MYSM1: variants seen among roughly 807,000 people sequenced by gnomAD.
MYSM1 encodes Myb like, SWIRM and MPN domains 1.
Under a neutral mutation model 116.0 loss-of-function variants are expected in MYSM1, and 51 were observed. The observed-to-expected ratio is 0.44, with a 90% CI of 0.35 to 0.56. MYSM1 has a LOEUF of 0.56. Among genes scored for constraint, MYSM1 ranks in the 20% least tolerant of loss-of-function variants. The pLI is 0.00. For missense variants in MYSM1, 900 were observed against 974.9 expected (o/e 0.92, Z 1.02); for synonymous variants, 313 against 315.2 (o/e 0.99, Z 0.07).
At position 58,659,230 on chromosome 1, in the gene MYSM1, T is replaced by C. The variant is rs1644358864; in HGVS notation, c.*767A>G. On this transcript the variant is annotated 3_prime_UTR_variant, in exon 20 of 20. Transcript: ENST00000472487. ...CTAGTAGTAGGCAGTAGAAAAAAAG[T>C]TTGAGTTATGATTACCTATGTTCCA... 1 of 152,142 alleles carries C rather than the reference T, an allele frequency of 6.6e-6. No individual in the cohort carries two copies. The highest frequency in any genetic ancestry group is 2.4e-5 in the African/African-American group (1 of 41,442). 9.4% of individuals were successfully genotyped at this position (152,142 alleles called of 1,614,324 possible).
At position 58,700,058 on chromosome 1, in the gene MYSM1, G is replaced by C; in HGVS notation, c.-6C>G. ...TCCGCCTCTTCAGCCGCCATGATGG[G>C]ACCTGACCCCGTCCGTCCTCCCGAG... On this transcript the variant is annotated 5_prime_UTR_variant, in exon 1 of 20. Coordinates refer to ENST00000472487, the MANE Select transcript of MYSM1 (RefSeq NM_001085487.3). 6.2e-7 allele frequency: 1 copy of C among 1,613,536 alleles called. No individual in the cohort carries two copies. The highest frequency in any genetic ancestry group is 8.5e-7 in the Non-Finnish European group (1 of 1,179,956).
chr1:58,695,869 A>G (rs1644966698), intron 1 of MYSM1, among the ~76,000 whole-genome samples: 1 of 152,224 alleles, frequency 6.6e-6, no homozygotes, highest in Admixed American at 6.5e-5. Context: ...CTTTAAAGTT[A>G]CATTGTTTAC....
chr1:58,680,528 C>T (rs1644723151), intron 8 of MYSM1, among the ~76,000 whole-genome samples: 1 of 152,194 alleles, frequency 6.6e-6, no homozygotes, highest in Admixed American at 6.5e-5. Flanking sequence ...TAAGATAACT[C>T]AAGAACAAAC....
rs1003224663 is a variant in MYSM1, at chr1:58,657,030, CTG to C, written c.*2965_*2966del. The C allele has an allele frequency of 2.6e-5, 4 of 151,956 alleles. No individual in the cohort carries two copies. Among genetic ancestry groups the C allele is most frequent in the Non-Finnish European group, 5.9e-5 (4 of 67,994 alleles). 9.4% of individuals were successfully genotyped at this position (151,956 alleles called of 1,614,324 possible). A position where few individuals can be genotyped will look rare whatever the true frequency, so the allele number is the denominator to read the frequency against. ...AGCTCTGAATACAGGGTCAAACAAACTGTAACTGAAGCAATGTAACTTGAACT... is the reference window on the plus strand; with the variant it reads ...AGCTCTGAATACAGGGTCAAACAAACTAACTGAAGCAATGTAACTTGAACT... On this transcript the variant is annotated 3_prime_UTR_variant, in exon 20 of 20. Coordinates refer to ENST00000472487, the MANE Select transcript of MYSM1 (RefSeq NM_001085487.3).
intron 19 of MYSM1, 141 bp downstream of exon 19, chr1:58,661,029 T>C (rs1644382931): frequency 1.6e-6 from 1 of 638,944 alleles, no homozygotes; most frequent in Admixed American, 3.2e-5. Flanking sequence ...CTCCTAGAAA[T>C]TAATTTTCCA....
rs919251085 is a variant in MYSM1 at position 58,657,785 on chromosome 1, G to C, written c.*2212C>G. On this transcript the variant is annotated 3_prime_UTR_variant, in exon 20 of 20. Transcript: ENST00000472487. ...ATTATTTTGAAAACTGTGCTCTCAA[G>C]GCCCCAAACTCTTGACAAGTATCAT... 3.9e-5 allele frequency: 6 copies of C among 151,992 alleles called. No homozygotes were observed. Among genetic ancestry groups the C allele is most frequent in the African/African-American group, 1.5e-4 (6 of 41,364 alleles). The allele number at this position is 151,992 out of a possible 1,614,324, so 9.4% of individuals were successfully genotyped here.
intron 8 of MYSM1, among the ~76,000 whole-genome samples, chr1:58,678,796 T>G (rs2100639736): frequency 6.6e-6 from 1 of 152,274 alleles, no homozygotes; most frequent in East Asian, 1.9e-4. Context: ...AAAGCAACAC[T>G]TGACAAAATA....
chr1:58,684,584 A>G (rs1644798901), intron 7 of MYSM1, among the ~76,000 whole-genome samples: 1 of 151,794 alleles, frequency 6.6e-6, no homozygotes. Flanking sequence ...AAAAAAGAAA[A>G]AAAAAAAATT....
intron 1 of MYSM1, among the ~76,000 whole-genome samples, chr1:58,698,102 A>ATATATATATTTTTTTTTTTTTTTTTTT: frequency 2.6e-4 from 2 of 7,770 alleles, no homozygotes; most frequent in Admixed American, 4.2e-3. Context: ...ATATATATAT[A>ATATATATATTTTTTTTTTTTTTTTTTT]TTTTTTTTTT....
In MYSM1 at chr1:58,682,447, T is replaced by C; in HGVS notation, c.597A>G (p.Ser199=). 1 of 1,614,172 alleles carries C rather than the reference T, an allele frequency of 6.2e-7. No homozygotes were observed. The highest frequency in any genetic ancestry group is 2.2e-5 in the East Asian group (1 of 44,872). The change falls in exon 8 of 20, where the codon TCA becomes TCG. Residue 199 remains serine, a synonymous_variant. Transcript: ENST00000472487. The part of the protein sequence containing the change: ...EDKGTKAWTP[S]CLRGRADPNL... ...TGGGATCAGCACGTCCCCTTAAACATGATGGTGTCCATGCCTTTGTCCCTT... is the reference window on the plus strand; with the variant it reads ...TGGGATCAGCACGTCCCCTTAAACACGATGGTGTCCATGCCTTTGTCCCTT...
chr1:58,690,510 A>G, intron 3 of MYSM1, 93 bp from the exon 4 acceptor site: 1 of 823,582 alleles, frequency 1.2e-6, no homozygotes, highest in South Asian at 2.1e-5. Context: ...AAATGTTATT[A>G]ATAGTTCCCT....
In MYSM1 at chr1:58,669,836, C is replaced by CAA. The variant is rs58828009; in HGVS notation, c.1662-800_1662-799dup. On this transcript the variant is annotated intron_variant, in intron 12 of 19. Coordinates refer to ENST00000472487, the MANE Select transcript of MYSM1 (RefSeq NM_001085487.3). ...GGGTGACAGAGTGAGACCCTGTCTC[C>CAA]AAAAAAAAAAAAAAAAAAAAAAAAA... 9.2e-3 allele frequency among the ~76,000 whole-genome samples: 134 copies of CAA among 14,550 alleles called. 9 individuals carry two copies. Among genetic ancestry groups the CAA allele is most frequent in the African/African-American group, 0.014 (51 of 3,740 alleles). 9.5% of individuals were successfully genotyped at this position (14,550 alleles called of 152,430 possible).
At chr1:58,692,438 A>C (rs1644917144) in intron 3 of MYSM1, 2 of 153,320 alleles carry the variant, frequency 1.3e-5, no homozygotes, top group African/African-American at 4.8e-5. Context: ...CTTTTTATTT[A>C]GATTCCTCCC....
intron 8 of MYSM1, among the ~76,000 whole-genome samples, chr1:58,679,900 C>T (rs1450207262): frequency 6.6e-6 from 1 of 151,914 alleles, no homozygotes; most frequent in Non-Finnish European, 1.5e-5. Flanking sequence ...TGGTGGCACG[C>T]ACCTGTAGTC....
rs1644880614 is a variant in MYSM1, at chr1:58,690,003, T to C, written c.320+223A>G. On this transcript the variant is annotated intron_variant, in intron 5 of 19. Coordinates refer to ENST00000472487, the MANE Select transcript of MYSM1 (RefSeq NM_001085487.3). ...CTGGACAACCATATTTTTCACAATCTGAAAGAATTGCCTACATAGGGCCAT... is the reference window on the plus strand; with the variant it reads ...CTGGACAACCATATTTTTCACAATCCGAAAGAATTGCCTACATAGGGCCAT... Among the ~76,000 whole-genome samples the C allele has an allele frequency of 2.0e-5, 3 of 152,156 alleles. No individual in the cohort carries two copies. In the South Asian group the frequency reaches 6.2e-4, roughly 31 times the overall value.
intron 13 of MYSM1, 121 bp downstream of exon 13, chr1:58,668,863 T>C: frequency 1.0e-6 from 1 of 984,542 alleles, no homozygotes. Context: ...AGGGAGAAAT[T>C]CTCTCTCATT....
At position 58,659,281 on chromosome 1, in the gene MYSM1, CTAATG is replaced by C. The variant is rs776971995; in HGVS notation, c.*711_*715del. The C allele has an allele frequency of 6.6e-5, 10 of 152,220 alleles. No individual in the cohort carries two copies. The highest frequency in any genetic ancestry group is 1.9e-4 in the East Asian group (1 of 5,188). The allele number at this position is 152,220 out of a possible 1,614,324, so 9.4% of individuals were successfully genotyped here. A position where few individuals can be genotyped will look rare whatever the true frequency, so the allele number is the denominator to read the frequency against. ...GTTAAATGAGGTTTTATCACACCTA[CTAATG>C]TAAGTGGACTCACAATTGAAGCTAA... On this transcript the variant is annotated 3_prime_UTR_variant, in exon 20 of 20. Coordinates refer to ENST00000472487, the MANE Select transcript of MYSM1 (RefSeq NM_001085487.3).
intron 17 of MYSM1, among the ~76,000 whole-genome samples, chr1:58,661,911 A>T (rs1644397861): frequency 1.3e-5 from 2 of 152,064 alleles, no homozygotes; most frequent in African/African-American, 4.8e-5. Flanking sequence ...CATCCTAGTG[A>T]TAATTAAAAA....
In MYSM1 at chr1:58,682,281, G is replaced by A; in HGVS notation, c.763C>T (p.His255Tyr). Residue 255 changes from histidine (H) to tyrosine (Y), a missense_variant, in exon 8 of 20, where the codon CAT becomes TAT. By Grantham distance (83) the His-to-Tyr change is moderately conservative. Around this residue, in one of 3 missense-constraint regions of MYSM1, gnomAD observed 622 missense variants for 623.7 expected, o/e 1.00. Transcript: ENST00000472487. ...ATGAATTCTCCTTGATTGGTTTCAT[G>A]CATTTTACTATTAGGAAAGTCTAAC... ...LLLDFPNSKM[H>Y]ETNQGEFITS... is the part of the protein sequence containing the mutation. 6.2e-7 allele frequency: 1 copy of A among 1,611,390 alleles called. No individual in the cohort carries two copies.
Sources: gnomAD v4.1 joint callset for allele counts (sites outside exome capture counted in the v4.1 genomes callset) on GRCh38, gnomAD v4.1.1 for gene constraint, gnomAD v4.1.1 regional missense constraint, MANE v1.5 for transcripts, NCBI Gene and HGNC (gene_info 2026-07-23, HGNC 2026-07-21) for gene names.